Variants in RBFOX1 observed in about 807,000 individuals in gnomAD.
The protein encoded by RBFOX1 is RNA binding fox-1 homolog 1.
RBFOX1 carries 8 observed loss-of-function variants against 57.7 expected under a neutral mutation model. That is an observed-to-expected ratio of 0.14 (90% confidence interval 0.08 to 0.25). RBFOX1 has a LOEUF of 0.25. Among genes scored for constraint, RBFOX1 ranks in the 10% least tolerant of loss-of-function variants. The probability of loss-of-function intolerance (pLI) is 1.00; values close to 1 mark genes in which losing one functional copy is unlikely to be tolerated. For missense variants in RBFOX1, 611 were observed against 548.5 expected, an observed-to-expected ratio of 1.11 and a Z score of -1.14; for synonymous variants, 326 against 222.4, an observed-to-expected ratio of 1.47 and a Z score of -4.15.
At position 6,737,508 on chromosome 16, in the gene RBFOX1, G is replaced by A. The variant is rs777090625; in HGVS notation, c.-16+82858G>A. ...TTCAGATGGCCAAAACAGCTACTAC[G>A]TGGTGGCTATGAACTTTCTGGAAGT... On this transcript the variant is annotated intron_variant, in intron 3 of 15. Coordinates refer to ENST00000550418, the MANE Select transcript of RBFOX1 (RefSeq NM_018723.4). Among the ~76,000 whole-genome samples, 11 of 152,282 alleles carry A rather than the reference G, an allele frequency of 7.2e-5. No homozygotes were observed. In the South Asian group the frequency reaches 8.3e-4, roughly 11 times the overall value.
intron 3 of RBFOX1, among the ~76,000 whole-genome samples, chr16:5,858,769 G>C (rs1024444319): frequency 2.0e-5 from 3 of 152,218 alleles, no homozygotes; most frequent in African/African-American, 7.2e-5. Context: ...GGGAGGTAGG[G>C]AGATGAATAT....
intron 4 of RBFOX1, among the ~76,000 whole-genome samples, chr16:7,395,509 G>T (rs751216714): frequency 6.6e-6 from 1 of 152,270 alleles, no homozygotes; most frequent in African/African-American, 2.4e-5. Flanking sequence ...TTTGTTGGAC[G>T]GAATACTAAA....
At chr16:6,074,193 C>T (rs2095869283) in intron 1 of RBFOX1, among the ~76,000 whole-genome samples, 1 of 152,144 alleles carries the variant, frequency 6.6e-6, no homozygotes, top group African/African-American at 2.4e-5. Flanking sequence ...TGTGATCCGC[C>T]CGCCTCAGCC....
intron 1 of RBFOX1, among the ~76,000 whole-genome samples, chr16:6,026,393 G>A (rs545802941): frequency 5.9e-5 from 9 of 152,216 alleles, no homozygotes; most frequent in Non-Finnish European, 1.0e-4. Flanking sequence ...AGAGTGGGGT[G>A]TAGGCAGGCG....
intron 2 of RBFOX1, among the ~76,000 whole-genome samples, chr16:6,440,324 G>T (rs1458636453): frequency 6.6e-6 from 1 of 152,118 alleles, no homozygotes; most frequent in Non-Finnish European, 1.5e-5. Flanking sequence ...AGAAGATGGG[G>T]CCTGTGGGAT....
chr16:7,279,076 G>T (rs988826359), intron 4 of RBFOX1, among the ~76,000 whole-genome samples: 1 of 149,410 alleles, frequency 6.7e-6, no homozygotes, highest in South Asian at 2.1e-4. Flanking sequence ...AGTGACGTAG[G>T]TTTCTGGAGA....
In RBFOX1 at chr16:7,626,307, C is replaced by A. The variant is rs551759333; in HGVS notation, c.677-4296C>A. Among the ~76,000 whole-genome samples the A allele has an allele frequency of 9.6e-4, 147 of 152,356 alleles. 1 individual carries two copies. The highest frequency in any genetic ancestry group is 3.3e-3 in the African/African-American group (136 of 41,594). On this transcript the variant is annotated intron_variant, in intron 10 of 15. Coordinates refer to ENST00000550418, the MANE Select transcript of RBFOX1 (RefSeq NM_018723.4). ...TGCCCCTTCAGGGGCCAGGAATGAT[C>A]CCCTGCATGCCGTATGGAGACTACT... is the stretch of plus-strand genomic sequence containing the variant.
chr16:5,298,996 C>A (rs903854065), intron 1 of RBFOX1, among the ~76,000 whole-genome samples: 1 of 131,562 alleles, frequency 7.6e-6, no homozygotes. Flanking sequence ...TGGGTTTTGA[C>A]TTGCATACAC....
At chr16:7,242,652 C>G (rs751146929) in intron 4 of RBFOX1, among the ~76,000 whole-genome samples, 1 of 152,194 alleles carries the variant, frequency 6.6e-6, no homozygotes, top group Non-Finnish European at 1.5e-5. Context: ...GCAGTCAATT[C>G]AGTCCAACAT....
At chr16:7,702,035 T>G (rs1225024965) in intron 14 of RBFOX1, among the ~76,000 whole-genome samples, 1 of 152,184 alleles carries the variant, frequency 6.6e-6, no homozygotes, top group African/African-American at 2.4e-5. Flanking sequence ...CATAGTGCAC[T>G]GAGATAACTT....
intron 1 of RBFOX1, among the ~76,000 whole-genome samples, chr16:6,083,254 C>T (rs771187219): frequency 9.9e-5 from 15 of 152,142 alleles, no homozygotes; most frequent in East Asian, 1.9e-4. Context: ...CTGCCCGCCT[C>T]GGCCTCCCAA....
chr16:6,489,600 T>G lies in RBFOX1; in HGVS notation c.-63-165003T>G, dbSNP rs563825562. Among the ~76,000 whole-genome samples, 109 of 152,282 alleles carry G rather than the reference T, an allele frequency of 7.2e-4. 1 individual carries two copies. Among genetic ancestry groups the G allele is most frequent in the African/African-American group, 2.5e-3 (105 of 41,576 alleles). The stretch of plus-strand genomic sequence containing the variant: ...TTGAGCTTCTAAATGTACAGAAGCC[T>G]AAGCGTTGAGGCACCATCTTCACCC... On this transcript the variant is annotated intron_variant, in intron 2 of 15. Transcript: ENST00000550418.
At chr16:6,175,020 C>A (rs1485524597) in intron 1 of RBFOX1, among the ~76,000 whole-genome samples, 1 of 152,160 alleles carries the variant, frequency 6.6e-6, no homozygotes, top group Non-Finnish European at 1.5e-5. Flanking sequence ...GTTTCTTTAA[C>A]CATAGTGTGG....
At chr16:7,034,231 C>G (rs568977623) in intron 3 of RBFOX1, among the ~76,000 whole-genome samples, 2 of 152,248 alleles carry the variant, frequency 1.3e-5, no homozygotes, top group Admixed American at 6.5e-5. Context: ...TAGCCTCTCT[C>G]CATCTCAGTG....
chr16:7,159,387 T>C (rs2077815599), intron 4 of RBFOX1, among the ~76,000 whole-genome samples: 1 of 152,052 alleles, frequency 6.6e-6, no homozygotes, highest in South Asian at 2.1e-4. Flanking sequence ...TATGTGCTGA[T>C]ATTTGAAAGA....
chr16:6,761,544 G>C (rs1168923924), intron 3 of RBFOX1, among the ~76,000 whole-genome samples: 2 of 104,680 alleles, frequency 1.9e-5, no homozygotes, highest in African/African-American at 7.5e-5. Flanking sequence ...GTCTTGCTCT[G>C]TCACCCAGGC....
intron 2 of RBFOX1, among the ~76,000 whole-genome samples, chr16:5,551,790 C>T (rs942125210): frequency 1.3e-5 from 2 of 151,626 alleles, no homozygotes; most frequent in South Asian, 2.1e-4. Flanking sequence ...TCCCTCCCTC[C>T]GCCCCCCACC....
intron 3 of RBFOX1, among the ~76,000 whole-genome samples, chr16:6,960,139 A>G (rs1346398872): frequency 6.6e-6 from 1 of 152,078 alleles, no homozygotes; most frequent in Non-Finnish European, 1.5e-5. Flanking sequence ...GTCTTGAGAA[A>G]TAAGTTTTTT....
chr16:7,426,702 C>A (rs755429302), intron 4 of RBFOX1, among the ~76,000 whole-genome samples: 1 of 152,090 alleles, frequency 6.6e-6, no homozygotes, highest in Non-Finnish European at 1.5e-5. Flanking sequence ...TTTTATCTGT[C>A]CTGTGGAAGG....
Sources: allele counts gnomAD v4.1 joint callset (sites outside exome capture counted in the v4.1 genomes callset), GRCh38; gene constraint gnomAD v4.1.1; transcripts MANE v1.5; gene names NCBI Gene and HGNC (gene_info 2026-07-23, HGNC 2026-07-21).